ISM1: variants seen among roughly 807,000 people sequenced by gnomAD.
ISM1 encodes isthmin-1.
In ISM1, 25 loss-of-function variants were observed where a neutral mutation model predicts 46.3. The ratio of observed to expected loss-of-function variants is 0.54; its 90% confidence interval spans 0.39 to 0.75. The LOEUF (loss-of-function observed/expected upper bound fraction) is 0.75. Ranked by LOEUF, ISM1 falls within the 30% of genes least tolerant of loss-of-function variation. The pLI, the probability that ISM1 is intolerant of heterozygous loss-of-function variation, is 0.00. For synonymous variants in ISM1, 255 were observed against 256.7 expected, an observed-to-expected ratio of 0.99 and a Z score of 0.06; for missense variants, 536 against 625.4, an observed-to-expected ratio of 0.86 and a Z score of 1.52.
chr20:13,246,003 C>G (rs140456570), intron 1 of ISM1, among the ~76,000 whole-genome samples: 1 of 152,214 alleles, frequency 6.6e-6, no homozygotes, highest in Admixed American at 6.5e-5. Context: ...CGCTGTGGCT[C>G]ACGCCTATAA....
At chr20:13,277,513 C>G (rs879750019) in intron 2 of ISM1, among the ~76,000 whole-genome samples, 3 of 152,216 alleles carry the variant, frequency 2.0e-5, no homozygotes, top group South Asian at 2.1e-4. Context: ...CTGTGTGCTC[C>G]TTCTCCACTT....
chr20:13,244,386 G>GAAAAAA (rs1491455215), intron 1 of ISM1: 1 of 86,172 alleles, frequency 1.2e-5, no homozygotes. Flanking sequence ...GATGTCCTAT[G>GAAAAAA]CAAAAAAAAA....
downstream of ISM1, among the ~76,000 whole-genome samples, chr20:13,301,247 G>T (rs975344310): frequency 6.6e-6 from 1 of 152,044 alleles, no homozygotes; most frequent in African/African-American, 2.4e-5. Flanking sequence ...GGAGTGCAGT[G>T]ACGTGATCTT....
intron 5 of ISM1, 125 bp downstream of exon 5, chr20:13,292,588 C>G (rs1235652130): frequency 1.5e-6 from 1 of 658,730 alleles, no homozygotes; most frequent in Non-Finnish European, 2.7e-6. Flanking sequence ...TCCAGTGCTC[C>G]CAGCATGTGT....
At chr20:13,296,701 G>C (rs1483687127) in intron 5 of ISM1, among the ~76,000 whole-genome samples, 1 of 152,176 alleles carries the variant, frequency 6.6e-6, no homozygotes, top group Non-Finnish European at 1.5e-5. Context: ...GTGAAGGAGA[G>C]AAGCTTAATC....
At chr20:13,268,114 GTCTTCTCTTCTCTTCTCTTC>G (rs766774336) in intron 1 of ISM1, among the ~76,000 whole-genome samples, 3 of 140,392 alleles carry the variant, frequency 2.1e-5, no homozygotes, top group South Asian at 2.5e-4. Flanking sequence ...CTCCTCTCCT[GTCTTCTCTTCTCTTCTCTTC>G]TCTTCTCTTC....
chr20:13,221,794 C>G lies in ISM1; in HGVS notation c.18C>G (p.Ala6=). 1.4e-6 allele frequency: 2 copies of G among 1,452,792 alleles called. No homozygotes were observed. The highest frequency in any genetic ancestry group is 1.8e-6 in the Non-Finnish European group (2 of 1,108,006). 90.0% of individuals were successfully genotyped at this position (1,452,792 alleles called of 1,614,324 possible). A position where few individuals can be genotyped will look rare whatever the true frequency, so the allele number is the denominator to read the frequency against. The stretch of plus-strand genomic sequence containing the variant: ...TCAAAAGGATGGTGCGCCTGGCGGC[C>G]GAGCTGCTGCTGCTGCTGGGGCTGC... The part of the protein sequence containing the change: MVRLA[A]ELLLLLGLLL... Residue 6 remains alanine, a synonymous_variant, in exon 1 of 6, where the codon GCC becomes GCG. Transcript: ENST00000262487.
At chr20:13,310,512 T>C in the ISM1 span, among the ~76,000 whole-genome samples, 9 of 152,212 alleles carry the variant, frequency 5.9e-5, no homozygotes, top group African/African-American at 1.9e-4. Flanking sequence ...ACATTGGTCT[T>C]GGCAGAGATT....
At chr20:13,291,812 A>C (rs1415817997) in intron 4 of ISM1, among the ~76,000 whole-genome samples, 1 of 152,208 alleles carries the variant, frequency 6.6e-6, no homozygotes, top group African/African-American at 2.4e-5. Flanking sequence ...CAAATATTCA[A>C]GGGAAAACTA....
chr20:13,299,255 C>T lies in ISM1; in HGVS notation c.1191C>T (p.Gly397=), dbSNP rs1323304290. Residue 397 remains glycine (G), a synonymous_variant, in exon 6 of 6, where the codon GGC becomes GGT. Coordinates refer to ENST00000262487, the MANE Select transcript of ISM1 (RefSeq NM_080826.2). The surrounding 1 kb of genome is among the most constrained non-coding windows in gnomAD (Gnocchi z 5.8). ...YGDNMQLITR[G]KGAGTPNLIS... is the part of the protein sequence containing the mutation. ...ACAACATGCAGCTCATCACCAGGGG[C>T]AAGGGGGCGGGCACGCCCAACCTCA... is the stretch of plus-strand genomic sequence containing the variant. The T allele has an allele frequency of 6.2e-7, 1 of 1,605,960 alleles. No homozygotes were observed. Among genetic ancestry groups the T allele is most frequent in the African/African-American group, 1.3e-5 (1 of 74,846 alleles).
In ISM1 at chr20:13,288,571, C is replaced by G. The variant is rs766502630; in HGVS notation, c.675C>G (p.Leu225=). Residue 225 remains leucine, a synonymous_variant, in exon 4 of 6, where the codon CTC becomes CTG. Coordinates refer to ENST00000262487, the MANE Select transcript of ISM1 (RefSeq NM_080826.2). ...DSTDGEGDWS[L]WSVCSVTCGN... ...CAGATGGCGAGGGTGACTGGAGTCT[C>G]TGGTCTGTCTGCAGCGTCACCTGCG... 6.2e-7 allele frequency: 1 copy of G among 1,613,992 alleles called. No individual in the cohort carries two copies. The highest frequency in any genetic ancestry group is 1.1e-5 in the South Asian group (1 of 91,080).
intron 2 of ISM1, among the ~76,000 whole-genome samples, chr20:13,277,959 T>A (rs2327770): frequency 3.3e-5 from 5 of 151,988 alleles, no homozygotes; most frequent in Admixed American, 6.5e-5. Context: ...AAGGAAGGGG[T>A]TATTTGTCTC....
At chr20:13,265,722 A>G (rs991801573) in intron 1 of ISM1, among the ~76,000 whole-genome samples, 10 of 152,180 alleles carry the variant, frequency 6.6e-5, no homozygotes, top group African/African-American at 2.4e-4. Flanking sequence ...ATTACTTTCA[A>G]TGGCAAAACC....
chr20:13,230,740 G>A (rs243892), intron 1 of ISM1, among the ~76,000 whole-genome samples: 265 of 147,284 alleles, frequency 1.8e-3, no homozygotes, highest in Middle Eastern at 0.011. Context: ...AAGGGAATGT[G>A]TTGTAGAAAA....
intron 2 of ISM1, among the ~76,000 whole-genome samples, chr20:13,276,046 G>A (rs2040175665): frequency 6.6e-6 from 1 of 152,248 alleles, no homozygotes. Flanking sequence ...GAGGGAATTA[G>A]ATATCTTCCT....
intron 5 of ISM1, among the ~76,000 whole-genome samples, chr20:13,298,113 ATTTG>A (rs760475131): frequency 1.3e-5 from 2 of 151,706 alleles, no homozygotes; most frequent in Non-Finnish European, 2.9e-5. Context: ...TGATTTATTT[ATTTG>A]TTTATTGAGA....
At chr20:13,257,887 ACT>A (rs1434316277) in intron 1 of ISM1, among the ~76,000 whole-genome samples, 3 of 151,600 alleles carry the variant, frequency 2.0e-5, no homozygotes, top group African/African-American at 7.3e-5. Flanking sequence ...GTGGCTGCAG[ACT>A]CTCTTGTTCT....
chr20:13,313,094 C>T, the ISM1 span, among the ~76,000 whole-genome samples: 3 of 152,180 alleles, frequency 2.0e-5, no homozygotes, highest in Non-Finnish European at 4.4e-5. Flanking sequence ...TGGGCCCCAT[C>T]CCACCACCTT....
At chr20:13,298,520 G>A (rs1381125519) in intron 5 of ISM1, among the ~76,000 whole-genome samples, 1 of 152,104 alleles carries the variant, frequency 6.6e-6, no homozygotes, top group Admixed American at 6.6e-5. Context: ...CTTTTTTGTA[G>A]ATGCTTACTA....
Sources: allele counts gnomAD v4.1 joint callset (sites outside exome capture counted in the v4.1 genomes callset), GRCh38; gene constraint gnomAD v4.1.1; non-coding constraint Gnocchi (gnomAD v3.1); transcripts MANE v1.5; gene names NCBI Gene and HGNC (gene_info 2026-07-23, HGNC 2026-07-21).